The following ENTREP2 variants were observed in gnomAD, a reference collection of about 807,000 sequenced individuals.
ENTREP2 encodes protein ENTREP2.
chr15:29,594,917 C>G, the ENTREP2 span, among the ~76,000 whole-genome samples: 41,530 of 151,316 alleles, frequency 0.27, 6,476 homozygotes, highest in East Asian at 0.68. Context: ...ATACAAAAAT[C>G]ATTAGCCGGG....
At chr15:29,396,288 C>T in the ENTREP2 span, among the ~76,000 whole-genome samples, 1 of 151,778 alleles carries the variant, frequency 6.6e-6, no homozygotes, top group African/African-American at 2.4e-5. Flanking sequence ...CCCCGGGCAA[C>T]TACGCTTCTC....
At chr15:29,570,945 GCCGC>G in the ENTREP2 span, among the ~76,000 whole-genome samples, 2 of 144,688 alleles carry the variant, frequency 1.4e-5, no homozygotes, top group African/African-American at 2.5e-5. Context: ...CCGCCGCCGC[GCCGC>G]CCGCCCGCCG....
the ENTREP2 span, chr15:29,570,369 C>G: frequency 8.9e-6 from 4 of 449,812 alleles, no homozygotes; most frequent in Admixed American, 4.6e-5. Flanking sequence ...AACTGCGCCC[C>G]GCGCTGCAGC....
At chr15:29,390,904 T>C in the ENTREP2 span, among the ~76,000 whole-genome samples, 1 of 152,126 alleles carries the variant, frequency 6.6e-6, no homozygotes, top group South Asian at 2.1e-4. Context: ...TACAGAGATA[T>C]CAATTTACCA....
the ENTREP2 span, among the ~76,000 whole-genome samples, chr15:29,400,649 T>C: frequency 6.6e-6 from 1 of 152,290 alleles, no homozygotes; most frequent in Middle Eastern, 3.4e-3. Context: ...ATTTGAGAAA[T>C]TTGTAAAAGA....
the ENTREP2 span, among the ~76,000 whole-genome samples, chr15:29,569,019 G>A: frequency 6.6e-6 from 1 of 152,296 alleles, no homozygotes; most frequent in South Asian, 2.1e-4. Flanking sequence ...CCTGTAGGCT[G>A]GTTCCAGCAG....
chr15:29,591,833 A>AGAAGAG, the ENTREP2 span, among the ~76,000 whole-genome samples: 1 of 1,008 alleles, frequency 9.9e-4, no homozygotes, highest in African/African-American at 2.7e-3. Flanking sequence ...ATCTCAAAAG[A>AGAAGAG]GAAGAAGAAG....
At chr15:29,439,155 T>C in the ENTREP2 span, among the ~76,000 whole-genome samples, 1 of 152,088 alleles carries the variant, frequency 6.6e-6, no homozygotes, top group Non-Finnish European at 1.5e-5. Flanking sequence ...GACGATCCAA[T>C]CACTCTGAGC....
chr15:29,439,853 A>G, the ENTREP2 span, among the ~76,000 whole-genome samples: 2 of 152,186 alleles, frequency 1.3e-5, no homozygotes, highest in African/African-American at 4.8e-5. Context: ...TTCACAGAGG[A>G]GACATCTGGC....
At chr15:29,323,270 G>A in the ENTREP2 span, among the ~76,000 whole-genome samples, 1 of 152,192 alleles carries the variant, frequency 6.6e-6, no homozygotes, top group Non-Finnish European at 1.5e-5. Flanking sequence ...GGAGTGGAGA[G>A]GGCCTGAAGG....
At chr15:29,225,688 C>T in the ENTREP2 span, among the ~76,000 whole-genome samples, 19 of 152,174 alleles carry the variant, frequency 1.2e-4, no homozygotes, top group Admixed American at 5.9e-4. Flanking sequence ...GTCGAGCATG[C>T]GGTGAGAACA....
At chr15:29,306,664 ATTTTTTTTTTT>A in the ENTREP2 span, among the ~76,000 whole-genome samples, 29 of 77,252 alleles carry the variant, frequency 3.8e-4, no homozygotes, top group Non-Finnish European at 6.7e-4. Flanking sequence ...ATAATTGGTA[ATTTTTTTTTTT>A]TTTTTTTTTT....
At chr15:29,206,674 A>G in the ENTREP2 span, among the ~76,000 whole-genome samples, 2 of 152,088 alleles carry the variant, frequency 1.3e-5, no homozygotes, top group Non-Finnish European at 2.9e-5. Context: ...CATAAAGGGT[A>G]TGGTATGTTT....
At chr15:29,616,917 A>G in the ENTREP2 span, among the ~76,000 whole-genome samples, 8 of 152,098 alleles carry the variant, frequency 5.3e-5, no homozygotes, top group Non-Finnish European at 1.0e-4. Context: ...AAAATTAGCC[A>G]GGTGTGGTGG....
At chr15:29,269,748 A>C in the ENTREP2 span, 188 of 1,430,380 alleles carry the variant, frequency 1.3e-4, no homozygotes, top group Non-Finnish European at 2.2e-5. Flanking sequence ...GTAGGCAAGC[A>C]GCCGCGGCGG....
the ENTREP2 span, among the ~76,000 whole-genome samples, chr15:29,459,509 GT>G: frequency 6.6e-6 from 1 of 152,136 alleles, no homozygotes; most frequent in Admixed American, 6.5e-5. Flanking sequence ...GTCTTCACAG[GT>G]ACAGTAGTTT....
the ENTREP2 span, among the ~76,000 whole-genome samples, chr15:29,485,652 A>T: frequency 6.6e-6 from 1 of 152,218 alleles, no homozygotes; most frequent in Non-Finnish European, 1.5e-5. Flanking sequence ...GAACTCAAAC[A>T]TCTCAACAGC....
the ENTREP2 span, among the ~76,000 whole-genome samples, chr15:29,545,886 T>C: frequency 1.6e-3 from 244 of 152,338 alleles, 5 homozygotes; most frequent in East Asian, 0.041. Context: ...ATGTTTAAGA[T>C]TGATGTCATT....
chr15:29,245,893 C>T, the ENTREP2 span, among the ~76,000 whole-genome samples: 7 of 152,088 alleles, frequency 4.6e-5, no homozygotes, highest in African/African-American at 9.7e-5. Context: ...TGAAGGGGTG[C>T]CTTGTGTTTG....
Sources: allele counts gnomAD v4.1 joint callset (sites outside exome capture counted in the v4.1 genomes callset), GRCh38; gene constraint gnomAD v4.1.1; transcripts MANE v1.5; gene names NCBI Gene and HGNC (gene_info 2026-07-23, HGNC 2026-07-21).